The following NCOA1 variants were observed in gnomAD, a reference collection of about 807,000 sequenced individuals.
NCOA1 encodes the protein Hin-2 protein.
NCOA1 carries 35 observed loss-of-function variants against 150.9 expected under a neutral mutation model. The observed-to-expected ratio is 0.23, with a 90% CI of 0.18 to 0.31. The LOEUF (loss-of-function observed/expected upper bound fraction) is 0.31. Among genes scored for constraint, NCOA1 ranks in the 10% least tolerant of loss-of-function variants. The pLI is 1.00. For synonymous variants in NCOA1, 590 were observed against 630.0 expected (o/e 0.94, Z 0.95); for missense variants, 1,491 against 1,749.3 (o/e 0.85, Z 2.63).
At position 24,663,859 on chromosome 2, in the gene NCOA1, T is replaced by C. The variant is rs573263791; in HGVS notation, c.90-1890T>C. ...CTGTCTGCGTGTCCTGCCTGTTCTA[T>C]CACTTTTTTCTTTTCCTCTATACTG... On this transcript the variant is annotated intron_variant, in intron 5 of 22. Transcript: ENST00000348332. Among the ~76,000 whole-genome samples, 5 of 152,318 alleles carry C rather than the reference T, an allele frequency of 3.3e-5. No individual in the cohort carries two copies. In the South Asian group the frequency reaches 1.0e-3, roughly 32 times the overall value.
intron 3 of NCOA1, among the ~76,000 whole-genome samples, chr2:24,593,003 G>A (rs953779730): frequency 6.6e-6 from 1 of 151,936 alleles, no homozygotes; most frequent in African/African-American, 2.4e-5. Context: ...TGACATTTGG[G>A]GTTCAAGATG....
intron 8 of NCOA1, among the ~76,000 whole-genome samples, chr2:24,683,916 G>A (rs1397023602): frequency 6.6e-6 from 1 of 151,312 alleles, no homozygotes; most frequent in Non-Finnish European, 1.5e-5. Flanking sequence ...TAGATTTTTT[G>A]TTACTTTTTT....
chr2:24,683,171 A>G (rs149920319), intron 8 of NCOA1, 43 bp downstream of exon 8: 10 of 1,272,988 alleles, frequency 7.9e-6, no homozygotes, highest in South Asian at 4.9e-5. Context: ...AGCTCTCTGT[A>G]TCTTCTCCTT....
At chr2:24,497,916 T>C (rs1243479613) in intron 1 of NCOA1, among the ~76,000 whole-genome samples, 2 of 152,274 alleles carry the variant, frequency 1.3e-5, no homozygotes, top group Admixed American at 1.3e-4. Flanking sequence ...GTAATTTGAA[T>C]GGTTGATTTT....
At chr2:24,743,908 A>G (rs147109820) in intron 19 of NCOA1, among the ~76,000 whole-genome samples, 265 of 152,332 alleles carry the variant, frequency 1.7e-3, no homozygotes, top group Middle Eastern at 6.8e-3. Context: ...TAAAAAATAG[A>G]AATAGTATTT....
At chr2:24,765,873 T>G (rs1665033965) in intron 22 of NCOA1, among the ~76,000 whole-genome samples, 1 of 151,592 alleles carries the variant, frequency 6.6e-6, no homozygotes, top group Admixed American at 6.6e-5. Flanking sequence ...GTCTTTTCAG[T>G]TTTCTGTAAT....
chr2:24,661,039 C>T (rs917065609), intron 5 of NCOA1, among the ~76,000 whole-genome samples: 2 of 151,036 alleles, frequency 1.3e-5, no homozygotes, highest in Non-Finnish European at 1.5e-5. Flanking sequence ...CCAGCTTGGG[C>T]AACAAGAGCA....
intron 3 of NCOA1, among the ~76,000 whole-genome samples, chr2:24,610,840 G>T (rs899355118): frequency 6.7e-6 from 1 of 148,834 alleles, no homozygotes; most frequent in African/African-American, 2.5e-5. Flanking sequence ...CTTTAGACTT[G>T]AGTTCACAGT....
At chr2:24,636,438 A>T (rs1422085413) in intron 3 of NCOA1, among the ~76,000 whole-genome samples, 1 of 152,160 alleles carries the variant, frequency 6.6e-6, no homozygotes, top group Non-Finnish European at 1.5e-5. Flanking sequence ...AATTCACCTT[A>T]CTAAATTCAC....
At chr2:24,615,135 A>C (rs1331613730) in intron 3 of NCOA1, among the ~76,000 whole-genome samples, 2 of 152,208 alleles carry the variant, frequency 1.3e-5, no homozygotes, top group Non-Finnish European at 2.9e-5. Context: ...AGTTAATTTT[A>C]TTGATTCCCA....
At chr2:24,712,788 T>C (rs2148607617) in intron 14 of NCOA1, among the ~76,000 whole-genome samples, 1 of 152,082 alleles carries the variant, frequency 6.6e-6, no homozygotes, top group South Asian at 2.1e-4. Flanking sequence ...CCAACTTTTT[T>C]TTTTAATGAG....
chr2:24,561,671 T>C (rs1467627311), intron 1 of NCOA1, among the ~76,000 whole-genome samples: 1 of 152,130 alleles, frequency 6.6e-6, no homozygotes, highest in South Asian at 2.1e-4. Context: ...AGATAAAAAC[T>C]ATAACAGAAG....
chr2:24,693,305 A>G lies in NCOA1; in HGVS notation c.766A>G (p.Ile256Val), dbSNP rs756296151. The G allele has an allele frequency of 3.0e-5, 49 of 1,614,094 alleles. No homozygotes were observed. The highest frequency in any genetic ancestry group is 2.0e-4 in the East Asian group (9 of 44,904). Residue 256 changes from isoleucine to valine, a missense_variant, in exon 10 of 23, where the codon ATT becomes GTT. Coordinates refer to ENST00000348332, the MANE Select transcript of NCOA1 (RefSeq NM_003743.5). ...ACGGCGATTACCTCGGCCTCCAGCT[A>G]TTACGGGTGTAGAATCCTTTATGAC... ...IARRLPRPPA[I>V]TGVESFMTKQ... is the part of the protein sequence containing the mutation.
chr2:24,636,902 A>G (rs1237325457), intron 3 of NCOA1, among the ~76,000 whole-genome samples: 1 of 151,460 alleles, frequency 6.6e-6, no homozygotes, highest in African/African-American at 2.4e-5. Flanking sequence ...AATTATGTAG[A>G]TTTAAATTTT....
chr2:24,708,164 AC>A (rs1673553603), intron 13 of NCOA1, among the ~76,000 whole-genome samples: 1 of 152,154 alleles, frequency 6.6e-6, no homozygotes, highest in African/African-American at 2.4e-5. Context: ...TTTTTAAAAT[AC>A]CTTCCCTGCC....
At chr2:24,501,066 A>C (rs1416801856) in intron 1 of NCOA1, among the ~76,000 whole-genome samples, 1 of 152,234 alleles carries the variant, frequency 6.6e-6, no homozygotes, top group Non-Finnish European at 1.5e-5. Context: ...GAAAACACAA[A>C]AAGGCAATAC....
In NCOA1 at chr2:24,707,317, A is replaced by G; in HGVS notation, c.1847A>G (p.Asn616Ser). Residue 616 changes from asparagine (N) to serine (S), a missense_variant, in exon 13 of 23, where the codon AAT becomes AGT. Coordinates refer to ENST00000348332, the MANE Select transcript of NCOA1 (RefSeq NM_003743.5). The stretch of plus-strand genomic sequence containing the variant: ...CTGGATTCAGGGCTTCTGCATAACA[A>G]TGACAGACTTTCAGATGGAGACAGT... ...KPLDSGLLHN[N>S]DRLSDGDSKY... is the part of the protein sequence containing the mutation. 3.1e-6 allele frequency: 5 copies of G among 1,614,206 alleles called. No homozygotes were observed. In the East Asian group the frequency reaches 6.7e-5, roughly 22 times the overall value.
chr2:24,764,385 A>G (rs981556707), intron 22 of NCOA1, among the ~76,000 whole-genome samples: 7 of 152,260 alleles, frequency 4.6e-5, no homozygotes, highest in Non-Finnish European at 8.8e-5. Context: ...TTAATGAACC[A>G]TAAGCATTCA....
intron 2 of NCOA1, among the ~76,000 whole-genome samples, chr2:24,574,550 A>G (rs1666873004): frequency 6.6e-6 from 1 of 152,178 alleles, no homozygotes; most frequent in Admixed American, 6.5e-5. Flanking sequence ...AAAAACAACC[A>G]GAAACTCAAA....
Sources: allele counts gnomAD v4.1 joint callset (sites outside exome capture counted in the v4.1 genomes callset), GRCh38; gene constraint gnomAD v4.1.1; transcripts MANE v1.5; gene names NCBI Gene and HGNC (gene_info 2026-07-23, HGNC 2026-07-21).